Variants in GABRA2 observed in about 807,000 individuals in gnomAD.
GABRA2 encodes the protein gamma-aminobutyric acid type A receptor subunit alpha2.
GABRA2 carries 16 observed loss-of-function variants against 48.7 expected under a neutral mutation model. The ratio of observed to expected loss-of-function variants is 0.33; its 90% CI spans 0.22 to 0.50. The LOEUF is 0.50. GABRA2 is among the 20% of genes least tolerant of loss of function. The pLI is 0.98. For synonymous variants in GABRA2, 185 were observed against 184.5 expected, an observed-to-expected ratio of 1.00 and a Z score of -0.02; for missense variants, 275 against 535.6, an observed-to-expected ratio of 0.51 and a Z score of 4.80.
Position 46,352,554 on chromosome 4 carries a change from C to T in GABRA2, c.188-19872G>A, listed in dbSNP as rs190267607. ...AACGAAATGCATCATTTCCTGAAAGCATTGTGGCAATTCTCTTCAGTTCCT... is the reference window on the plus strand; with the variant it reads ...AACGAAATGCATCATTTCCTGAAAGTATTGTGGCAATTCTCTTCAGTTCCT... On this transcript the variant is annotated intron_variant, in intron 3 of 9. Transcript: ENST00000381620. Among the ~76,000 whole-genome samples the T allele has an allele frequency of 3.9e-5, 6 of 152,054 alleles. No homozygotes were observed. In the East Asian group the frequency reaches 1.2e-3, roughly 30 times the overall value.
chr4:46,334,226 C>T (rs1181630502), intron 3 of GABRA2, among the ~76,000 whole-genome samples: 1 of 152,078 alleles, frequency 6.6e-6, no homozygotes, highest in Non-Finnish European at 1.5e-5. Context: ...TCTATCTGTG[C>T]TCTCTTTAAA....
intron 4 of GABRA2, among the ~76,000 whole-genome samples, chr4:46,314,533 A>G (rs996984809): frequency 3.3e-5 from 5 of 151,994 alleles, no homozygotes; most frequent in African/African-American, 1.2e-4. Context: ...GCATATGTGC[A>G]GGTTTGTTAC....
chr4:46,325,920 T>C (rs1730289726), intron 4 of GABRA2, among the ~76,000 whole-genome samples: 1 of 151,982 alleles, frequency 6.6e-6, no homozygotes, highest in Admixed American at 6.6e-5. Flanking sequence ...CTCTAGCCTG[T>C]TCCATTAATC....
At chr4:46,294,643 C>T (rs556917302) in intron 8 of GABRA2, among the ~76,000 whole-genome samples, 24 of 152,294 alleles carry the variant, frequency 1.6e-4, no homozygotes, top group African/African-American at 5.1e-4. Flanking sequence ...GGGGCAGATA[C>T]GGATGCTGTT....
At chr4:46,368,700 T>C in intron 3 of GABRA2, 1 of 352,836 alleles carries the variant, frequency 2.8e-6, no homozygotes, top group Non-Finnish European at 5.1e-6. Context: ...TTTTGTTTAG[T>C]TTGATTTAAA....
intron 8 of GABRA2, among the ~76,000 whole-genome samples, chr4:46,272,880 C>G (rs779409852): frequency 1.3e-5 from 2 of 151,944 alleles, no homozygotes; most frequent in Non-Finnish European, 2.9e-5. Context: ...ATATCACTTA[C>G]TTTCAAGAGC....
chr4:46,280,394 A>G (rs1721297964), intron 8 of GABRA2, among the ~76,000 whole-genome samples: 1 of 152,146 alleles, frequency 6.6e-6, no homozygotes, highest in South Asian at 2.1e-4. Flanking sequence ...GAATAAAAGA[A>G]GGCCAGTGTG....
intron 9 of GABRA2, 184 bp downstream of exon 9, chr4:46,261,742 G>C: frequency 1.6e-6 from 1 of 624,884 alleles, no homozygotes. Context: ...GGTTTTAATG[G>C]AAGTATTAGT....
At chr4:46,359,948 C>T (rs1712896209) in intron 3 of GABRA2, among the ~76,000 whole-genome samples, 2 of 151,574 alleles carry the variant, frequency 1.3e-5, no homozygotes, top group African/African-American at 4.8e-5. Context: ...ATTTTAAAAG[C>T]AGTGATAAGT....
At chr4:46,353,744 G>A (rs1256426542) in intron 3 of GABRA2, among the ~76,000 whole-genome samples, 1 of 151,992 alleles carries the variant, frequency 6.6e-6, no homozygotes. Context: ...AATATTAACA[G>A]CACCATATAA....
At position 46,348,467 on chromosome 4, in the gene GABRA2, C is replaced by T. The variant is rs1267679746; in HGVS notation, c.188-15785G>A. On this transcript the variant is annotated intron_variant, in intron 3 of 9. Transcript: ENST00000381620. ...TATAAATCATGCTGCTATAAAGACA[C>T]ATGCACACATATGTTTATTGTGGCA... Among the ~76,000 whole-genome samples, 6 of 152,122 alleles carry T rather than the reference C, an allele frequency of 3.9e-5. No individual in the cohort carries two copies. The South Asian group carries it at 1.0e-3, about 26-fold the overall frequency.
intron 3 of GABRA2, among the ~76,000 whole-genome samples, chr4:46,336,696 A>G (rs1457428539): frequency 1.3e-5 from 2 of 152,176 alleles, no homozygotes; most frequent in Non-Finnish European, 2.9e-5. Flanking sequence ...CAAATTCAGG[A>G]TGGTGAAAGA....
At chr4:46,327,580 C>T (rs1730608616) in intron 4 of GABRA2, among the ~76,000 whole-genome samples, 1 of 151,970 alleles carries the variant, frequency 6.6e-6, no homozygotes, top group Non-Finnish European at 1.5e-5. Flanking sequence ...TTACAAATGG[C>T]AACTTCTGAT....
At chr4:46,291,665 T>C (rs71611969) in intron 8 of GABRA2, among the ~76,000 whole-genome samples, 2,528 of 152,038 alleles carry the variant, frequency 0.017, 36 homozygotes, top group South Asian at 0.037. Flanking sequence ...CACCCCAAGT[T>C]CTTCAGCTTT....
chr4:46,274,657 C>T (rs544561462), intron 8 of GABRA2, among the ~76,000 whole-genome samples: 5 of 152,150 alleles, frequency 3.3e-5, no homozygotes, highest in East Asian at 1.9e-4. Flanking sequence ...TATAAGCATA[C>T]GTGCCTTAAA....
chr4:46,261,858 A>G (rs775015381), intron 9 of GABRA2, 68 bp downstream of exon 9: 4 of 1,263,800 alleles, frequency 3.2e-6, no homozygotes, highest in African/African-American at 1.5e-5. Flanking sequence ...TTTTAGAAAC[A>G]TATCTGTTAC....
At chr4:46,384,604 G>A (rs1425431769) in intron 3 of GABRA2, among the ~76,000 whole-genome samples, 1 of 152,066 alleles carries the variant, frequency 6.6e-6, no homozygotes, top group Admixed American at 6.6e-5. Context: ...TTTGACAGCA[G>A]GTGATTTATT....
At chr4:46,366,961 T>C (rs987429768) in intron 3 of GABRA2, 3 of 152,112 alleles carry the variant, frequency 2.0e-5, no homozygotes, top group African/African-American at 7.2e-5. Flanking sequence ...TAGAAGGCAG[T>C]GTTGTATGCA....
chr4:46,254,971 G>C (rs1715515098), intron 9 of GABRA2, among the ~76,000 whole-genome samples: 1 of 151,424 alleles, frequency 6.6e-6, no homozygotes, highest in African/African-American at 2.4e-5. Flanking sequence ...CCATAACCAG[G>C]CTAACACTGA....
Sources: allele counts gnomAD v4.1 joint callset (sites outside exome capture counted in the v4.1 genomes callset), GRCh38; gene constraint gnomAD v4.1.1; transcripts MANE v1.5; gene names NCBI Gene and HGNC (gene_info 2026-07-23, HGNC 2026-07-21).